The following TTC34 variants were observed in gnomAD, a reference collection of about 807,000 sequenced individuals.
TTC34 encodes tetratricopeptide repeat domain 34, also known as tetratricopeptide repeat protein 34.
Under a neutral mutation model 40.7 loss-of-function variants are expected in TTC34, and 44 were observed. That is an observed-to-expected ratio of 1.08 (90% CI 0.85 to 1.39). TTC34 has a LOEUF of 1.39. Ranked by LOEUF, TTC34 falls within the 40% of genes most tolerant of loss-of-function variation. TTC34 has a pLI of 0.00. For synonymous variants in TTC34, 422 were observed against 398.6 expected (o/e 1.06, Z -0.70); for missense variants, 884 against 838.0 (o/e 1.05, Z -0.68).
intron 2 of TTC34, among the ~76,000 whole-genome samples, chr1:2,799,234 G>A (rs1398894050): frequency 2.0e-5 from 3 of 152,204 alleles, no homozygotes; most frequent in African/African-American, 7.2e-5. Context: ...ATGGCAGCCA[G>A]AGGAAAGTTT....
At chr1:2,750,975 G>A (rs1478359791) in intron 6 of TTC34, among the ~76,000 whole-genome samples, 1 of 107,240 alleles carries the variant, frequency 9.3e-6, no homozygotes, top group Non-Finnish European at 1.8e-5. Flanking sequence ...ACCCCCAGGT[G>A]CGCATGTGAT....
chr1:2,787,346 A>G, intron 4 of TTC34, 135 bp downstream of exon 4: 1 of 732,326 alleles, frequency 1.4e-6, no homozygotes, highest in Non-Finnish European at 2.1e-6. Flanking sequence ...GCAGGTGCAG[A>G]GCTGGGGCTG....
intron 6 of TTC34, among the ~76,000 whole-genome samples, chr1:2,650,653 A>T (rs764873029): frequency 1.5e-5 from 2 of 130,036 alleles, no homozygotes; most frequent in African/African-American, 2.9e-5. Context: ...AGCCTGCAAC[A>T]GCACCCCACA....
intron 6 of TTC34, among the ~76,000 whole-genome samples, chr1:2,685,149 G>A (rs537402087): frequency 1.4e-5 from 2 of 140,354 alleles, no homozygotes; most frequent in African/African-American, 5.8e-5. Context: ...GCCTGGAACA[G>A]CACCCACAAC....
intron 6 of TTC34, among the ~76,000 whole-genome samples, chr1:2,691,336 C>CTG (rs2100364425): frequency 1.0e-5 from 1 of 95,874 alleles, no homozygotes; most frequent in African/African-American, 3.7e-5. Flanking sequence ...GGAGCAGCAC[C>CTG]CACACCCCCA....
rs534961365 is a variant in TTC34, at chr1:2,694,744, C to A, written c.2227-49181G>T. On this transcript the variant is annotated intron_variant, in intron 6 of 8. Coordinates refer to ENST00000401095, the Ensembl canonical transcript of TTC34. ...GAGCATCTGACATCGTGGAGCAGCA[C>A]CCCAAACCCACAGGTGAGCATCCGA... 2.8e-5 allele frequency among the ~76,000 whole-genome samples: 2 copies of A among 72,266 alleles called. 1 individual carries two copies. Among genetic ancestry groups the A allele is most frequent in the Non-Finnish European group, 6.8e-5 (2 of 29,540 alleles). The allele number at this position is 72,266 out of a possible 152,430, so 47.4% of individuals were successfully genotyped here.
At chr1:2,685,989 A>G (rs1570812798) in intron 6 of TTC34, among the ~76,000 whole-genome samples, 3 of 112,198 alleles carry the variant, frequency 2.7e-5, no homozygotes, top group African/African-American at 7.6e-5. Context: ...TGCATGTATC[A>G]GCACCCACAC....
intron 6 of TTC34, among the ~76,000 whole-genome samples, chr1:2,751,009 A>C (rs1466724004): frequency 7.1e-5 from 5 of 70,060 alleles, no homozygotes; most frequent in African/African-American, 2.3e-4. Flanking sequence ...ACCCACACCG[A>C]CAGGTGAGCA....
chr1:2,685,008 G>T (rs1318917411), intron 6 of TTC34, among the ~76,000 whole-genome samples: 5 of 132,778 alleles, frequency 3.8e-5, no homozygotes, highest in African/African-American at 1.3e-4. Context: ...CCCCAGGCGA[G>T]CATCTGACAG....
intron 6 of TTC34, among the ~76,000 whole-genome samples, chr1:2,656,361 G>C (rs1570763576): frequency 2.9e-4 from 39 of 133,890 alleles, no homozygotes; most frequent in South Asian, 5.2e-4. Flanking sequence ...TGACAGCCTG[G>C]AACAGCACCC....
intron 6 of TTC34, among the ~76,000 whole-genome samples, chr1:2,682,701 A>ACGCTGCC (rs1640133119): frequency 1.6e-4 from 22 of 136,290 alleles, no homozygotes; most frequent in Non-Finnish European, 2.9e-4. Flanking sequence ...CTGGAGCAGC[A>ACGCTGCC]CCCACACACC....
intron 6 of TTC34, among the ~76,000 whole-genome samples, chr1:2,748,216 G>A (rs1641211928): frequency 1.1e-5 from 1 of 93,790 alleles, no homozygotes; most frequent in East Asian, 3.2e-4. Context: ...GCGAGCATCT[G>A]ACAGCCTGGA....
At chr1:2,687,957 G>C (rs1404203011) in intron 6 of TTC34, among the ~76,000 whole-genome samples, 2 of 146,694 alleles carry the variant, frequency 1.4e-5, no homozygotes, top group South Asian at 2.1e-4. Context: ...GCCTGGAACA[G>C]CACGCGCACC....
intron 6 of TTC34, among the ~76,000 whole-genome samples, chr1:2,685,036 A>T (rs1488458085): frequency 7.2e-6 from 1 of 139,370 alleles, no homozygotes; most frequent in Non-Finnish European, 1.5e-5. Context: ...CAGCACCCAC[A>T]CCCACAGGTG....
chr1:2,752,770 A>T (rs1466530915), intron 6 of TTC34, among the ~76,000 whole-genome samples: 4 of 91,122 alleles, frequency 4.4e-5, no homozygotes, highest in Non-Finnish European at 8.3e-5. Context: ...AACAGCACCC[A>T]TACGCCCAGA....
intron 2 of TTC34, among the ~76,000 whole-genome samples, chr1:2,797,646 T>C (rs1270477320): frequency 1.3e-5 from 2 of 152,086 alleles, no homozygotes; most frequent in African/African-American, 4.8e-5. Context: ...CGCAGCCTCG[T>C]CTCAGGCACT....
chr1:2,756,821 C>CAA (rs1641522714), intron 6 of TTC34, among the ~76,000 whole-genome samples: 2 of 151,788 alleles, frequency 1.3e-5, no homozygotes, highest in Admixed American at 6.6e-5. Flanking sequence ...GGAGCAGAAC[C>CAA]CACACCCCGA....
chr1:2,755,941 G>A (rs1300724069), intron 6 of TTC34, among the ~76,000 whole-genome samples: 5 of 61,636 alleles, frequency 8.1e-5, no homozygotes, highest in East Asian at 5.8e-4. Context: ...GCAGCACCCT[G>A]CACCCCCAGG....
chr1:2,786,571 TC>T (rs1310289948), intron 4 of TTC34, among the ~76,000 whole-genome samples: 1 of 152,102 alleles, frequency 6.6e-6, no homozygotes, highest in African/African-American at 2.4e-5. Context: ...GACTTCTCCA[TC>T]CCATGGAGGT....
Sources: allele counts gnomAD v4.1 joint callset (sites outside exome capture counted in the v4.1 genomes callset), GRCh38; gene constraint gnomAD v4.1.1; transcripts MANE v1.5; gene names NCBI Gene and HGNC (gene_info 2026-07-23, HGNC 2026-07-21).